The following COL4A2 variants were observed in gnomAD, a reference collection of about 807,000 sequenced individuals.
The protein encoded by COL4A2 is collagen type IV alpha 2 chain, also known as collagen alpha-2(IV) chain.
COL4A2 carries 99 observed loss-of-function variants against 200.2 expected under a neutral mutation model. The ratio of observed to expected loss-of-function variants is 0.49; its 90% CI spans 0.42 to 0.58. The LOEUF (loss-of-function observed/expected upper bound fraction) is 0.58. Ranked by LOEUF, COL4A2 falls within the 20% of genes least tolerant of loss-of-function variation. The pLI is 0.00. For missense variants in COL4A2, 1,950 were observed against 2,314.1 expected (o/e 0.84, Z 3.23); for synonymous variants, 897 against 900.6 (o/e 1.00, Z 0.07).
At chr13:110,502,289 C>G (rs1001424752) in intron 41 of COL4A2, among the ~76,000 whole-genome samples, 1 of 152,130 alleles carries the variant, frequency 6.6e-6, no homozygotes, top group Non-Finnish European at 1.5e-5. Context: ...AGTATCCACC[C>G]AGTACAAGAG....
chr13:110,458,240 C>T (rs1371903097), intron 21 of COL4A2: 3 of 412,014 alleles, frequency 7.3e-6, no homozygotes, highest in Admixed American at 3.1e-5. Flanking sequence ...GAGCCAACCC[C>T]TGCCGCCAGC....
At position 110,480,311 on chromosome 13, in the gene COL4A2, C is replaced by T; in HGVS notation, c.2679C>T (p.Gly893=). 6.2e-7 allele frequency: 1 copy of T among 1,614,040 alleles called. No individual in the cohort carries two copies. The highest frequency in any genetic ancestry group is 2.2e-5 in the East Asian group (1 of 44,866). Residue 893 remains glycine (G), a synonymous_variant, in exon 31 of 48, where the codon GGC becomes GGT. Coordinates refer to ENST00000360467, the MANE Select transcript of COL4A2 (RefSeq NM_001846.4). ...TCTCTGGTGACAGAGGAGATGCTGG[C>T]TTCACAGGGGAGCAAGGCCATCCAG... ...KGLSGDRGDA[G]FTGEQGHPGS...
rs188306019 is a variant in COL4A2, at chr13:110,467,131, C to T, written c.2095+35C>T. The T allele has an allele frequency of 7.6e-4, 1,228 of 1,613,342 alleles. 9 individuals carry two copies. The African/African-American group carries it at 0.014, about 19-fold the overall frequency. On this transcript the variant is annotated intron_variant, in intron 27 of 47. Transcript: ENST00000360467. Reference sequence around the variant, plus strand: ...GGAGGGAACCTGGAGTGCACCCAGCCTTCCTCCCACATCTTCACACTGCTG... The same window carrying T: ...GGAGGGAACCTGGAGTGCACCCAGCTTTCCTCCCACATCTTCACACTGCTG...
At chr13:110,445,397 A>G (rs1223808971) in intron 16 of COL4A2, among the ~76,000 whole-genome samples, 1 of 152,214 alleles carries the variant, frequency 6.6e-6, no homozygotes, top group Non-Finnish European at 1.5e-5. Flanking sequence ...CACCTAGGGC[A>G]GCCTCCAGCC....
intron 37 of COL4A2, 117 bp from the exon 38 acceptor site, chr13:110,491,953 C>A: frequency 1.3e-6 from 1 of 798,868 alleles, no homozygotes; most frequent in Non-Finnish European, 1.9e-6. Flanking sequence ...CCAACTGGCA[C>A]TGCGGCCCTT....
At chr13:110,422,592 T>TAAAGTCAGA (rs1880296364) in intron 4 of COL4A2, among the ~76,000 whole-genome samples, 1 of 152,210 alleles carries the variant, frequency 6.6e-6, no homozygotes, top group Non-Finnish European at 1.5e-5. Flanking sequence ...GAGAACCCAC[T>TAAAGTCAGA]GTCTCTAAAA....
chr13:110,497,753 T>C (rs1883511049), intron 40 of COL4A2, among the ~76,000 whole-genome samples: 1 of 148,962 alleles, frequency 6.7e-6, no homozygotes, highest in African/African-American at 2.5e-5. Context: ...GGGGTGAGGA[T>C]CTGGGGTCAG....
chr13:110,509,929 TG>T (rs1884029151), intron 47 of COL4A2, among the ~76,000 whole-genome samples: 1 of 152,204 alleles, frequency 6.6e-6, no homozygotes, highest in Non-Finnish European at 1.5e-5. Context: ...GTACTGGAGA[TG>T]TGCCCCCTCC....
intron 4 of COL4A2, among the ~76,000 whole-genome samples, chr13:110,387,629 T>G (rs1428405902): frequency 6.6e-6 from 1 of 152,258 alleles, no homozygotes; most frequent in Admixed American, 6.5e-5. Flanking sequence ...AGCCCTGCGC[T>G]TGTTTCTAAG....
intron 4 of COL4A2, among the ~76,000 whole-genome samples, chr13:110,374,827 G>A (rs918464512): frequency 5.3e-5 from 8 of 152,170 alleles, no homozygotes; most frequent in African/African-American, 1.9e-4. Context: ...TCATTAAGTG[G>A]ATAGTTTTCC....
At chr13:110,333,615 A>G (rs922192064) in intron 3 of COL4A2, among the ~76,000 whole-genome samples, 1 of 152,180 alleles carries the variant, frequency 6.6e-6, no homozygotes, top group Non-Finnish European at 1.5e-5. Flanking sequence ...GCTACGACCT[A>G]CTGCACCTGA....
intron 3 of COL4A2, among the ~76,000 whole-genome samples, chr13:110,314,931 G>GT (rs1168597117): frequency 6.6e-6 from 1 of 152,236 alleles, no homozygotes; most frequent in Non-Finnish European, 1.5e-5. Context: ...GGCCATGGCA[G>GT]TGGGATTCAG....
intron 20 of COL4A2, chr13:110,457,036 G>A: frequency 3.4e-6 from 1 of 291,048 alleles, no homozygotes; most frequent in East Asian, 7.8e-5. Flanking sequence ...CTGCGTCTGC[G>A]TGGGACCCCA....
At chr13:110,435,711 A>G (rs1264778038) in intron 12 of COL4A2, among the ~76,000 whole-genome samples, 3 of 152,238 alleles carry the variant, frequency 2.0e-5, no homozygotes, top group African/African-American at 7.2e-5. Context: ...CGGTCCAGTA[A>G]TGTTCTAGAT....
chr13:110,444,298 A>G lies in COL4A2; in HGVS notation c.958-1531A>G, dbSNP rs13378711. ...TAGGTGTGTGATGCTCGTGGCCCAG[A>G]GTGAAGCTCAGATTTGACAAATTCC... On this transcript the variant is annotated intron_variant, in intron 16 of 47. Coordinates refer to ENST00000360467, the MANE Select transcript of COL4A2 (RefSeq NM_001846.4). 7.0e-3 allele frequency among the ~76,000 whole-genome samples: 1,064 copies of G among 152,268 alleles called. 9 individuals carry two copies. Among genetic ancestry groups the G allele is most frequent in the African/African-American group, 0.022 (911 of 41,540 alleles).
chr13:110,364,319 T>C (rs1877648117), intron 4 of COL4A2, among the ~76,000 whole-genome samples: 1 of 152,218 alleles, frequency 6.6e-6, no homozygotes, highest in Non-Finnish European at 1.5e-5. Flanking sequence ...CATCCAGCGC[T>C]GCAGGGGCTG....
intron 16 of COL4A2, among the ~76,000 whole-genome samples, chr13:110,442,076 ACT>A (rs1310700702): frequency 2.7e-5 from 3 of 112,432 alleles, no homozygotes; most frequent in South Asian, 3.4e-4. Flanking sequence ...AGACAGTGAG[ACT>A]CTCTGTCTCA....
chr13:110,417,402 C>T (rs1380478575), intron 4 of COL4A2, among the ~76,000 whole-genome samples: 2 of 152,164 alleles, frequency 1.3e-5, no homozygotes, highest in African/African-American at 4.8e-5. Flanking sequence ...TCTCGGTCGC[C>T]GGGCAACATG....
Position 110,439,845 on chromosome 13 carries a change from G to T in COL4A2, c.957+12G>T. 6.2e-7 allele frequency: 1 copy of T among 1,613,888 alleles called. No homozygotes were observed. The highest frequency in any genetic ancestry group is 1.1e-5 in the South Asian group (1 of 90,984). On this transcript the variant is annotated intron_variant, in intron 16 of 47. Coordinates refer to ENST00000360467, the MANE Select transcript of COL4A2 (RefSeq NM_001846.4). ...CACCAGGACAGAAGGTAAGTTGGATGCATGAACTGCAGTCTGCTCTGGGCC... is the reference window on the plus strand; with the variant it reads ...CACCAGGACAGAAGGTAAGTTGGATTCATGAACTGCAGTCTGCTCTGGGCC...
Sources: gnomAD v4.1 joint callset for allele counts (sites outside exome capture counted in the v4.1 genomes callset) on GRCh38, gnomAD v4.1.1 for gene constraint, MANE v1.5 for transcripts, NCBI Gene and HGNC (gene_info 2026-07-23, HGNC 2026-07-21) for gene names.